MAGI2: variants seen among roughly 807,000 people sequenced by gnomAD.
MAGI2 encodes the protein membrane-associated guanylate kinase, WW and PDZ domain-containing protein 2.
In MAGI2, 35 loss-of-function variants were observed where a neutral mutation model predicts 133.3. The ratio of observed to expected loss-of-function variants is 0.26; its 90% CI spans 0.20 to 0.35. The LOEUF (loss-of-function observed/expected upper bound fraction) is 0.35. Ranked by LOEUF, MAGI2 falls within the 10% of genes least tolerant of loss-of-function variation. The probability of loss-of-function intolerance (pLI) is 1.00; values close to 1 mark genes in which losing one functional copy is unlikely to be tolerated. For synonymous variants in MAGI2, 729 were observed against 710.6 expected (o/e 1.03, Z -0.41); for missense variants, 1,636 against 1,863.4 (o/e 0.88, Z 2.25).
chr7:78,836,433 T>C (rs895052474), intron 2 of MAGI2, among the ~76,000 whole-genome samples: 2 of 152,222 alleles, frequency 1.3e-5, no homozygotes, highest in African/African-American at 4.8e-5. Flanking sequence ...AGCTTAATAT[T>C]GGTTTCTTAA....
intron 4 of MAGI2, among the ~76,000 whole-genome samples, chr7:78,502,726 C>T (rs1425882915): frequency 2.0e-5 from 3 of 152,094 alleles, no homozygotes; most frequent in African/African-American, 7.2e-5. Context: ...TCCCTCGTAG[C>T]TAAGGGGAGC....
chr7:79,298,776 T>C (rs1225163064), intron 1 of MAGI2, among the ~76,000 whole-genome samples: 1 of 152,100 alleles, frequency 6.6e-6, no homozygotes, highest in Non-Finnish European at 1.5e-5. Context: ...GAATTTAGAA[T>C]GAGCTAATTC....
At chr7:79,156,130 T>C (rs1186433465) in intron 1 of MAGI2, among the ~76,000 whole-genome samples, 1 of 152,100 alleles carries the variant, frequency 6.6e-6, no homozygotes, top group Non-Finnish European at 1.5e-5. Context: ...ATTCATGCCC[T>C]ACAAAATATA....
intron 1 of MAGI2, among the ~76,000 whole-genome samples, chr7:79,290,720 A>G (rs1335560208): frequency 6.6e-6 from 1 of 152,080 alleles, no homozygotes; most frequent in African/African-American, 2.4e-5. Flanking sequence ...AAGCATATAG[A>G]TGGATAAAAC....
chr7:79,385,236 G>A (rs939178724), intron 1 of MAGI2, among the ~76,000 whole-genome samples: 3 of 151,692 alleles, frequency 2.0e-5, no homozygotes, highest in African/African-American at 4.8e-5. Flanking sequence ...GTGCAAGCTC[G>A]CATAAATGTA....
At position 78,297,819 on chromosome 7, in the gene MAGI2, G is replaced by C. The variant is rs1046296939; in HGVS notation, c.1409-41238C>G. On this transcript the variant is annotated intron_variant, in intron 9 of 21. Coordinates refer to ENST00000354212, the MANE Select transcript of MAGI2 (RefSeq NM_012301.4). The stretch of plus-strand genomic sequence containing the variant: ...ACAGGAAGGGGAATATCACACTCTG[G>C]GGACTGTTGTGGGGTGGGGGGAGGG... Among the ~76,000 whole-genome samples, 7 of 123,742 alleles carry C rather than the reference G, an allele frequency of 5.7e-5. No individual in the cohort carries two copies. The East Asian group carries it at 1.2e-3, about 22-fold the overall frequency. The allele number at this position is 123,742 out of a possible 152,430, so 81.2% of individuals were successfully genotyped here.
In MAGI2 at chr7:78,552,326, G is replaced by A. The variant is rs144948212; in HGVS notation, c.539-30681C>T. Among the ~76,000 whole-genome samples, 434 of 151,896 alleles carry A rather than the reference G, an allele frequency of 2.9e-3. 1 individual carries two copies. Among genetic ancestry groups the A allele is most frequent in the Middle Eastern group, 0.017 (5 of 294 alleles). The stretch of plus-strand genomic sequence containing the variant: ...AGCCTTCCAAGTAGCTGGGATTACA[G>A]GCATGCATCACCACGCCTACCTAAT... On this transcript the variant is annotated intron_variant, in intron 3 of 21. Transcript: ENST00000354212.
chr7:78,648,208 T>C (rs1811107323), intron 2 of MAGI2, among the ~76,000 whole-genome samples: 1 of 152,038 alleles, frequency 6.6e-6, no homozygotes, highest in South Asian at 2.1e-4. Context: ...AACAGTACAA[T>C]AAATAACAAT....
intron 21 of MAGI2, among the ~76,000 whole-genome samples, chr7:78,025,679 T>C (rs1329143433): frequency 1.3e-5 from 2 of 152,142 alleles, no homozygotes; most frequent in Non-Finnish European, 2.9e-5. Context: ...AGAGGGATGA[T>C]GGTGGTGAAA....
chr7:79,296,578 C>T (rs1836947183), intron 1 of MAGI2, among the ~76,000 whole-genome samples: 2 of 152,054 alleles, frequency 1.3e-5, no homozygotes, highest in South Asian at 4.2e-4. Context: ...TAAAATAAGC[C>T]AGGCACAAAA....
intron 20 of MAGI2, among the ~76,000 whole-genome samples, chr7:78,116,215 G>A (rs1293647440): frequency 2.0e-5 from 3 of 152,172 alleles, no homozygotes; most frequent in African/African-American, 7.2e-5. Context: ...AATAATTCAT[G>A]AGTCAAAGAA....
At chr7:78,316,142 C>T (rs1000258473) in intron 9 of MAGI2, among the ~76,000 whole-genome samples, 3 of 152,184 alleles carry the variant, frequency 2.0e-5, no homozygotes. Context: ...CTTTTATCCC[C>T]TGCAGCTACT....
intron 1 of MAGI2, among the ~76,000 whole-genome samples, chr7:79,322,353 A>G (rs1349985217): frequency 2.0e-5 from 3 of 152,144 alleles, no homozygotes; most frequent in African/African-American, 4.8e-5. Context: ...ACATTGATCT[A>G]TTGACTTTAA....
At chr7:79,391,530 T>C (rs865827340) in intron 1 of MAGI2, among the ~76,000 whole-genome samples, 47 of 91,696 alleles carry the variant, frequency 5.1e-4, no homozygotes, top group African/African-American at 2.5e-3. Flanking sequence ...TATATATATA[T>C]ATATATAGAC....
intron 1 of MAGI2, among the ~76,000 whole-genome samples, chr7:79,083,504 C>T (rs989069152): frequency 3.3e-5 from 5 of 151,566 alleles, no homozygotes; most frequent in African/African-American, 1.2e-4. Context: ...CTGTGTTAAA[C>T]CAACCTTGTA....
At chr7:78,037,856 G>T (rs1044432271) in intron 21 of MAGI2, among the ~76,000 whole-genome samples, 28 of 152,174 alleles carry the variant, frequency 1.8e-4, no homozygotes, top group Non-Finnish European at 1.0e-4. Context: ...GCTGTAGAAT[G>T]GTCCCCATTT....
chr7:79,347,111 T>A (rs1047466285), intron 1 of MAGI2, among the ~76,000 whole-genome samples: 3 of 151,954 alleles, frequency 2.0e-5, no homozygotes, highest in Non-Finnish European at 4.4e-5. Context: ...TTTACCTTTT[T>A]AATTTTGCCC....
chr7:79,262,207 T>C (rs968217893), intron 1 of MAGI2, among the ~76,000 whole-genome samples: 7 of 152,190 alleles, frequency 4.6e-5, no homozygotes, highest in Admixed American at 6.5e-5. Context: ...TAAGACTCTG[T>C]TGAGGTAGTA....
At chr7:78,440,472 G>A (rs534080072) in intron 6 of MAGI2, among the ~76,000 whole-genome samples, 2 of 152,236 alleles carry the variant, frequency 1.3e-5, no homozygotes, top group East Asian at 3.9e-4. Context: ...AAGAGACACC[G>A]TGAAGGCAAA....
Sources: allele counts gnomAD v4.1 joint callset (sites outside exome capture counted in the v4.1 genomes callset), GRCh38; gene constraint gnomAD v4.1.1; transcripts MANE v1.5; gene names NCBI Gene and HGNC (gene_info 2026-07-23, HGNC 2026-07-21).